The following GCNT2 variants were observed in gnomAD, a reference collection of about 807,000 sequenced individuals.
GCNT2 encodes the protein N-acetyllactosaminide beta-1,6-N-acetylglucosaminyl-transferase.
A neutral mutation model predicts 34.2 loss-of-function variants in GCNT2; 34 were observed. The ratio of observed to expected loss-of-function variants is 1.00; its 90% CI spans 0.76 to 1.32. The LOEUF (loss-of-function observed/expected upper bound fraction) is 1.32. Ranked by LOEUF, GCNT2 falls within the 40% of genes most tolerant of loss-of-function variation. The probability of loss-of-function intolerance (pLI) is 0.00; values close to 1 mark genes in which losing one functional copy is unlikely to be tolerated. For missense variants in GCNT2, 584 were observed against 489.4 expected (o/e 1.19, Z -1.82); for synonymous variants, 212 against 188.0 (o/e 1.13, Z -1.04).
chr6:10,583,638 C>A (rs1764218254), intron 3 of GCNT2, among the ~76,000 whole-genome samples: 1 of 152,206 alleles, frequency 6.6e-6, no homozygotes, highest in African/African-American at 2.4e-5. Flanking sequence ...CTGGCTGATA[C>A]TTCCAGGAAT....
intron 3 of GCNT2, among the ~76,000 whole-genome samples, chr6:10,541,640 T>G (rs1000898087): frequency 6.6e-6 from 1 of 152,156 alleles, no homozygotes; most frequent in East Asian, 1.9e-4. Context: ...TTTAAAATAT[T>G]CAGAAAATGT....
intron 3 of GCNT2, among the ~76,000 whole-genome samples, chr6:10,609,203 G>T (rs1477824318): frequency 1.3e-5 from 2 of 152,198 alleles, no homozygotes; most frequent in Non-Finnish European, 2.9e-5. Flanking sequence ...TATAAGAAAA[G>T]AGGTTTATCT....
At chr6:10,578,804 A>G (rs574768102) in intron 3 of GCNT2, among the ~76,000 whole-genome samples, 13 of 152,252 alleles carry the variant, frequency 8.5e-5, no homozygotes, top group African/African-American at 2.4e-4. Context: ...ACAAAAATGA[A>G]GTTAACTTAG....
intron 3 of GCNT2, among the ~76,000 whole-genome samples, chr6:10,542,661 G>A (rs142658178): frequency 0.011 from 1,713 of 152,184 alleles, 29 homozygotes; most frequent in African/African-American, 0.036. Flanking sequence ...AGGTTCATCC[G>A]TGTTATCGCG....
chr6:10,563,333 T>G (rs1763099055), intron 3 of GCNT2, among the ~76,000 whole-genome samples: 1 of 152,256 alleles, frequency 6.6e-6, no homozygotes, highest in African/African-American at 2.4e-5. Flanking sequence ...CTATTATATT[T>G]GGACAATGCT....
chr6:10,545,727 G>T (rs1310149696), intron 3 of GCNT2, among the ~76,000 whole-genome samples: 3 of 152,186 alleles, frequency 2.0e-5, no homozygotes, highest in Non-Finnish European at 2.9e-5. Flanking sequence ...GGAGACTCAA[G>T]TGTCTTCAGC....
intron 3 of GCNT2, among the ~76,000 whole-genome samples, chr6:10,618,506 C>T (rs541287261): frequency 6.6e-6 from 1 of 152,300 alleles, no homozygotes; most frequent in South Asian, 2.1e-4. Context: ...CTTGTGCTTT[C>T]AAAAATAGTC....
intron 3 of GCNT2, chr6:10,530,064 A>G (rs1460080100): frequency 7.9e-6 from 4 of 509,426 alleles, no homozygotes; most frequent in South Asian, 2.2e-5. Context: ...AACACTGGCC[A>G]TATAAATAAA....
At chr6:10,614,099 G>A (rs762422310) in intron 3 of GCNT2, among the ~76,000 whole-genome samples, 11 of 152,146 alleles carry the variant, frequency 7.2e-5, no homozygotes, top group African/African-American at 1.2e-4. Flanking sequence ...ACTGAACAGT[G>A]AGCACATTGT....
intron 3 of GCNT2, chr6:10,619,466 C>T (rs1765938437): frequency 6.6e-6 from 1 of 152,318 alleles, no homozygotes; most frequent in Admixed American, 6.5e-5. Flanking sequence ...CCTCCTGCCT[C>T]AGCCTCCTGA....
chr6:10,611,446 T>A (rs1159370909), intron 3 of GCNT2, among the ~76,000 whole-genome samples: 1 of 151,662 alleles, frequency 6.6e-6, no homozygotes, highest in African/African-American at 2.4e-5. Flanking sequence ...TTCTCCTGCC[T>A]CAGGCTCCCA....
At chr6:10,580,852 G>A (rs1177152355) in intron 3 of GCNT2, among the ~76,000 whole-genome samples, 1 of 152,198 alleles carries the variant, frequency 6.6e-6, no homozygotes, top group Non-Finnish European at 1.5e-5. Context: ...AGGCAGCCCA[G>A]CCCTGGTTTT....
intron 4 of GCNT2, among the ~76,000 whole-genome samples, chr6:10,622,009 C>T (rs1042308313): frequency 2.6e-5 from 4 of 152,168 alleles, no homozygotes; most frequent in African/African-American, 7.2e-5. Context: ...GCTGGGCCCC[C>T]AACCCTCAGG....
chr6:10,596,520 CA>C (rs138414233), intron 3 of GCNT2, among the ~76,000 whole-genome samples: 102 of 141,222 alleles, frequency 7.2e-4, no homozygotes, highest in Middle Eastern at 3.5e-3. Context: ...GACTCCATCT[CA>C]AAAAAAAAAA....
chr6:10,537,534 C>G (rs1261890432), intron 3 of GCNT2, among the ~76,000 whole-genome samples: 1 of 151,940 alleles, frequency 6.6e-6, no homozygotes, highest in East Asian at 1.9e-4. Context: ...AACCCTGTCT[C>G]TACTAAAAAT....
At position 10,571,851 on chromosome 6, in the gene GCNT2, CAG is replaced by C. The variant is rs770626731; in HGVS notation, c.925+42019_925+42020del. On this transcript the variant is annotated intron_variant, in intron 3 of 4. Coordinates refer to ENST00000495262, the MANE Select transcript of GCNT2 (RefSeq NM_145649.5). ...CACGGAAATGTGAAGAAGGATCACG[CAG>C]AGATTTTCTGCACTATAGACTTAGT... Among the ~76,000 whole-genome samples, 6 of 152,328 alleles carry C rather than the reference CAG, an allele frequency of 3.9e-5. No homozygotes were observed. The East Asian group carries it at 1.2e-3, about 29-fold the overall frequency.
At chr6:10,610,415 G>A (rs1349022170) in intron 3 of GCNT2, among the ~76,000 whole-genome samples, 1 of 152,162 alleles carries the variant, frequency 6.6e-6, no homozygotes, top group Non-Finnish European at 1.5e-5. Context: ...AAGAGTGTTT[G>A]ACAAGAGCTA....
intron 3 of GCNT2, among the ~76,000 whole-genome samples, chr6:10,589,292 G>A (rs528578336): frequency 5.8e-4 from 82 of 141,162 alleles, no homozygotes; most frequent in Non-Finnish European, 1.1e-3. Context: ...TAGTGTGTGT[G>A]GTGTGTAGTG....
chr6:10,595,802 C>A (rs1173261463), intron 3 of GCNT2, among the ~76,000 whole-genome samples: 2 of 152,130 alleles, frequency 1.3e-5, no homozygotes, highest in East Asian at 3.9e-4. Flanking sequence ...ATCCTCTTTG[C>A]AGAGGAGTAA....
Sources: gnomAD v4.1 joint callset for allele counts (sites outside exome capture counted in the v4.1 genomes callset) on GRCh38, gnomAD v4.1.1 for gene constraint, MANE v1.5 for transcripts, NCBI Gene and HGNC (gene_info 2026-07-23, HGNC 2026-07-21) for gene names.